The following RTN4 variants were observed in gnomAD, a reference collection of about 807,000 sequenced individuals.
RTN4 encodes reticulon 4.
In RTN4, 32 loss-of-function variants were observed where a neutral mutation model predicts 90.4. The ratio of observed to expected loss-of-function variants is 0.35; its 90% CI spans 0.27 to 0.48. The LOEUF is 0.48. RTN4 is among the 20% of genes least tolerant of loss of function. RTN4 has a pLI of 0.99. For missense variants in RTN4, 1,706 were observed against 1,430.2 expected (o/e 1.19, Z -3.11); for synonymous variants, 629 against 552.5 (o/e 1.14, Z -1.94).
chr2:55,055,705 G>A (rs954063452), upstream of RTN4, among the ~76,000 whole-genome samples: 8 of 151,464 alleles, frequency 5.3e-5, no homozygotes, highest in Non-Finnish European at 8.8e-5. Flanking sequence ...GGGAGGCAGC[G>A]CTTGCAGTGA....
At position 55,062,545 on chromosome 2, in the gene RTN4, A is replaced by T. The variant is rs146601488; in HGVS notation, c.-63+17944T>A. On this transcript the variant is annotated intron_variant, in intron 2 of 3. Coordinates refer to the RTN4 transcript ENST00000427710. ...AGAGGGGGACAAGGGAATCTTTCCC[A>T]TTTCAAAATTAAGGCCCAATTAGAC... Among the ~76,000 whole-genome samples the T allele has an allele frequency of 4.4e-3, 665 of 152,298 alleles. 16 individuals are homozygous for T. The highest frequency in any genetic ancestry group is 0.039 in the Admixed American group (603 of 15,302).
intron 3 of RTN4, among the ~76,000 whole-genome samples, chr2:55,002,192 G>A (rs1679897106): frequency 6.6e-6 from 1 of 151,728 alleles, no homozygotes; most frequent in Admixed American, 6.6e-5. Flanking sequence ...CCAAGTAGCT[G>A]GGACCATAGG....
chr2:55,106,574 C>T (rs890381175), intron 1 of RTN4, among the ~76,000 whole-genome samples: 21 of 152,062 alleles, frequency 1.4e-4, no homozygotes, highest in African/African-American at 4.1e-4. Context: ...GGCTGGAGTG[C>T]AGTGGCGTGA....
rs749333113 is a variant in RTN4 at position 55,026,190 on chromosome 2, A to G, written c.1909T>C (p.Ser637Pro). Residue 637 changes from serine to proline, a missense_variant, in exon 3 of 9, where the codon TCA (serine) becomes CCA (proline). Physicochemically the swap from Ser to Pro is moderately conservative, Grantham distance 74. Transcript: ENST00000337526. ...AGASVIQPSS[S>P]PLEASSVNYE... ...TTAACTGAAGAAGCTTCTAATGGTG[A>G]TGAGCTGGGCTGTATCACGGAAGCA... 3.3e-5 allele frequency: 53 copies of G among 1,613,494 alleles called. No homozygotes were observed. Among genetic ancestry groups the G allele is most frequent in the Non-Finnish European group, 4.0e-5 (47 of 1,179,842 alleles).
the RTN4 span, among the ~76,000 whole-genome samples, chr2:55,132,813 CA>C: frequency 1.0e-4 from 12 of 116,032 alleles, no homozygotes; most frequent in South Asian, 5.6e-4. Flanking sequence ...GACCGTCTCT[CA>C]AAAAAAAAAA....
chr2:55,113,705 GA>G, upstream of RTN4, among the ~76,000 whole-genome samples: 1 of 152,168 alleles, frequency 6.6e-6, no homozygotes, highest in East Asian at 1.9e-4. Context: ...CCCTACCCAA[GA>G]GTTGCTAGAA....
chr2:55,112,959 A>G (rs1668064356), upstream of RTN4, among the ~76,000 whole-genome samples: 1 of 152,216 alleles, frequency 6.6e-6, no homozygotes, highest in African/African-American at 2.4e-5. Context: ...TGCTCTCTAG[A>G]CACATGACAA....
chr2:55,058,482 TAC>T (rs1353990096), intron 2 of RTN4, among the ~76,000 whole-genome samples: 1 of 152,266 alleles, frequency 6.6e-6, no homozygotes, highest in Non-Finnish European at 1.5e-5. Context: ...ACATGCCAGC[TAC>T]CAGCCACTTT....
At chr2:55,027,506 G>C (rs753865205) in intron 2 of RTN4, 21 bp from the exon 3 acceptor site, 3 of 1,567,614 alleles carry the variant, frequency 1.9e-6, no homozygotes, top group East Asian at 2.2e-5. Context: ...GGACAGAAAG[G>C]AAAGTTAGAG....
At chr2:55,014,567 G>C (rs1424928624) in intron 3 of RTN4, 1 of 151,670 alleles carries the variant, frequency 6.6e-6, no homozygotes, top group African/African-American at 2.4e-5. Flanking sequence ...CACCAGGCTG[G>C]AATGCAGTGG....
intron 5 of RTN4, among the ~76,000 whole-genome samples, chr2:54,979,148 G>A (rs983743825): frequency 6.6e-6 from 1 of 151,732 alleles, no homozygotes; most frequent in African/African-American, 2.4e-5. Flanking sequence ...CCACCTCCTG[G>A]GCTCAAGAAT....
intron 3 of RTN4, among the ~76,000 whole-genome samples, chr2:55,023,501 T>G (rs1376107756): frequency 6.6e-6 from 1 of 152,102 alleles, no homozygotes; most frequent in Non-Finnish European, 1.5e-5. Context: ...CATACTTTCC[T>G]TTCCACTCAC....
At chr2:55,009,126 C>T (rs1680450204) in intron 3 of RTN4, among the ~76,000 whole-genome samples, 1 of 152,048 alleles carries the variant, frequency 6.6e-6, no homozygotes, top group South Asian at 2.1e-4. Context: ...CTGTAATTAG[C>T]TCTACATACT....
In RTN4 at chr2:55,026,551, G is replaced by T; in HGVS notation, c.1548C>A (p.Asn516Lys). ...TEKNTSTKTS[N>K]PFLVAAQDSE... ...AATCCTGTGCTGCTACAAGAAAAGGGTTTGATGTTTTGGTGCTAGTATTCT... is the reference window on the plus strand; with the variant it reads ...AATCCTGTGCTGCTACAAGAAAAGGTTTTGATGTTTTGGTGCTAGTATTCT... The change falls in exon 3 of 9, where the codon AAC (asparagine) becomes AAA (lysine). Residue 516 changes from asparagine (N) to lysine (K), a missense_variant. By Grantham distance (94) the Asn-to-Lys change is moderately conservative (BLOSUM62 0). Coordinates refer to ENST00000337526, the MANE Select transcript of RTN4 (RefSeq NM_020532.5). 1 of 1,613,448 alleles carries T rather than the reference G, an allele frequency of 6.2e-7. No homozygotes were observed. The highest frequency in any genetic ancestry group is 8.5e-7 in the Non-Finnish European group (1 of 1,179,874).
At chr2:54,999,796 A>G (rs893605272) in intron 3 of RTN4, among the ~76,000 whole-genome samples, 2 of 152,156 alleles carry the variant, frequency 1.3e-5, no homozygotes, top group Non-Finnish European at 2.9e-5. Flanking sequence ...GTACTACGTA[A>G]TAGTAAGCTT....
intron 1 of RTN4, among the ~76,000 whole-genome samples, chr2:55,111,080 G>A (rs1276494666): frequency 6.6e-6 from 1 of 152,048 alleles, no homozygotes; most frequent in African/African-American, 2.4e-5. Context: ...TCTCCGCATG[G>A]GGGATAAGGT....
At chr2:55,127,314 T>C in the RTN4 span, among the ~76,000 whole-genome samples, 161 of 152,270 alleles carry the variant, frequency 1.1e-3, 1 homozygote, top group Middle Eastern at 3.4e-3. Context: ...CACCTTTGGA[T>C]GATTTCGTTT....
At chr2:54,990,264 T>G (rs182047323) in intron 3 of RTN4, among the ~76,000 whole-genome samples, 97 of 152,352 alleles carry the variant, frequency 6.4e-4, no homozygotes, top group Non-Finnish European at 1.1e-3. Flanking sequence ...TTCAAATAAC[T>G]GAGAGTAAAT....
the RTN4 span, among the ~76,000 whole-genome samples, chr2:55,127,649 A>T: frequency 6.6e-6 from 1 of 152,172 alleles, no homozygotes; most frequent in Non-Finnish European, 1.5e-5. Flanking sequence ...CAGAGAGGAG[A>T]TTGAGGCCTT....
Sources: gnomAD v4.1 joint callset for allele counts (sites outside exome capture counted in the v4.1 genomes callset) on GRCh38, gnomAD v4.1.1 for gene constraint, MANE v1.5 for transcripts, NCBI Gene and HGNC (gene_info 2026-07-23, HGNC 2026-07-21) for gene names.